Variants in RANBP17 observed in about 807,000 individuals in gnomAD.
RANBP17 encodes the protein RAN binding protein 17, also known as ran-binding protein 17.
RANBP17 carries 158 observed loss-of-function variants against 141.2 expected under a neutral mutation model. The observed-to-expected ratio is 1.12, with a 90% CI of 0.98 to 1.28. The LOEUF is 1.28. RANBP17 is among the 50% of genes most tolerant of loss of function. RANBP17 has a pLI of 0.00. For missense variants in RANBP17, 1,438 were observed against 1,290.7 expected (o/e 1.11, Z -1.75); for synonymous variants, 430 against 450.0 (o/e 0.96, Z 0.56).
chr5:170,889,706 G>T (rs989176711), intron 3 of RANBP17, among the ~76,000 whole-genome samples: 12 of 152,138 alleles, frequency 7.9e-5, no homozygotes, highest in Non-Finnish European at 1.5e-4. Flanking sequence ...AGGACCTCTA[G>T]TGTGTAGCTT....
intron 14 of RANBP17, among the ~76,000 whole-genome samples, chr5:171,083,704 T>A (rs1252663057): frequency 6.6e-6 from 1 of 152,180 alleles, no homozygotes; most frequent in East Asian, 1.9e-4. Flanking sequence ...TCCCACATGT[T>A]GTGGGAGGAA....
chr5:170,879,752 TAGC>T lies in RANBP17; in HGVS notation c.165+1512_165+1514del, dbSNP rs1768502573. Among the ~76,000 whole-genome samples, 3 of 152,088 alleles carry T rather than the reference TAGC, an allele frequency of 2.0e-5. No homozygotes were observed. The South Asian group carries it at 6.2e-4, about 32-fold the overall frequency. On this transcript the variant is annotated intron_variant, in intron 2 of 27. Coordinates refer to ENST00000523189, the MANE Select transcript of RANBP17 (RefSeq NM_022897.5). ...TAGCCTTATCCCTGAGCTAAAAAAA[TAGC>T]AGTAAAAACTTATCACTGATAAGCT...
intron 14 of RANBP17, among the ~76,000 whole-genome samples, chr5:170,998,944 C>T (rs1327494015): frequency 6.6e-6 from 1 of 151,936 alleles, no homozygotes; most frequent in East Asian, 1.9e-4. Context: ...TATTTATATA[C>T]TATAATACCA....
chr5:171,112,613 G>A (rs1270771113), intron 14 of RANBP17, among the ~76,000 whole-genome samples: 1 of 151,932 alleles, frequency 6.6e-6, no homozygotes. Context: ...TCTGGTAAAG[G>A]AACAGCAGAA....
chr5:171,081,861 C>T (rs1046946523), intron 14 of RANBP17, among the ~76,000 whole-genome samples: 1 of 152,038 alleles, frequency 6.6e-6, no homozygotes, highest in Non-Finnish European at 1.5e-5. Flanking sequence ...ATGAACAGTT[C>T]TTTTCCTACT....
chr5:171,006,296 C>T (rs991746952), intron 14 of RANBP17, among the ~76,000 whole-genome samples: 12 of 152,168 alleles, frequency 7.9e-5, no homozygotes, highest in Admixed American at 3.3e-4. Context: ...CACATGCACA[C>T]GTATGTTCAT....
intron 1 of RANBP17, among the ~76,000 whole-genome samples, chr5:170,869,219 A>G (rs1767508354): frequency 6.6e-6 from 1 of 152,204 alleles, no homozygotes; most frequent in African/African-American, 2.4e-5. Context: ...GTAAAACAAA[A>G]CAGACAAATA....
chr5:171,097,537 G>A (rs1358949991), intron 14 of RANBP17, among the ~76,000 whole-genome samples: 1 of 151,276 alleles, frequency 6.6e-6, no homozygotes, highest in Non-Finnish European at 1.5e-5. Flanking sequence ...TGAAATGGGT[G>A]TCTAAGAAAT....
At chr5:171,210,419 G>T (rs146578594) in intron 20 of RANBP17, among the ~76,000 whole-genome samples, 1 of 152,040 alleles carries the variant, frequency 6.6e-6, no homozygotes, top group African/African-American at 2.4e-5. Context: ...GCCTTATCCC[G>T]TAGTGAATAC....
chr5:171,185,473 T>G (rs993646521), intron 18 of RANBP17, among the ~76,000 whole-genome samples: 2 of 152,248 alleles, frequency 1.3e-5, no homozygotes, highest in Non-Finnish European at 2.9e-5. Flanking sequence ...TCTCAAACTC[T>G]GCTGCCACTT....
rs541460314 is a variant in RANBP17 at position 171,224,972 on chromosome 5, C to T, written c.2422+3132C>T. Reference sequence around the variant, plus strand: ...CTTCAGTTTCTTGTTAGAGAAAATACTTCATGCCTCAAAGACATGGTTGTG... The same window carrying T: ...CTTCAGTTTCTTGTTAGAGAAAATATTTCATGCCTCAAAGACATGGTTGTG... On this transcript the variant is annotated intron_variant, in intron 22 of 27. Transcript: ENST00000523189. Among the ~76,000 whole-genome samples, 10 of 152,286 alleles carry T rather than the reference C, an allele frequency of 6.6e-5. No homozygotes were observed. The South Asian group carries it at 2.1e-3, about 32-fold the overall frequency.
At chr5:170,914,461 G>C (rs1019756954) in intron 8 of RANBP17, among the ~76,000 whole-genome samples, 1 of 152,108 alleles carries the variant, frequency 6.6e-6, no homozygotes, top group African/African-American at 2.4e-5. Flanking sequence ...ACCAGTAACT[G>C]TTGATTTAGC....
At chr5:170,913,699 AGG>A in intron 7 of RANBP17, among the ~76,000 whole-genome samples, 1 of 152,242 alleles carries the variant, frequency 6.6e-6, no homozygotes, top group Middle Eastern at 3.4e-3. Flanking sequence ...ACACTGTAAT[AGG>A]AATGCAGTTG....
chr5:170,991,978 G>T (rs1778539769), intron 14 of RANBP17, among the ~76,000 whole-genome samples: 1 of 151,936 alleles, frequency 6.6e-6, no homozygotes, highest in Non-Finnish European at 1.5e-5. Flanking sequence ...GAAACAGTTG[G>T]TCTTTGGGGC....
chr5:171,137,009 T>C (rs983275456), intron 14 of RANBP17, among the ~76,000 whole-genome samples: 1 of 152,192 alleles, frequency 6.6e-6, no homozygotes, highest in African/African-American at 2.4e-5. Context: ...TGTTTACCTT[T>C]TATTCTGCTT....
chr5:171,028,977 G>GCTTA, intron 14 of RANBP17: 2 of 1,282,002 alleles, frequency 1.6e-6, no homozygotes, highest in Non-Finnish European at 2.0e-6. Flanking sequence ...AGGGATCACA[G>GCTTA]TCTAAGGTCC....
At chr5:171,029,324 T>C in intron 14 of RANBP17, 1 of 152,696 alleles carries the variant, frequency 6.5e-6, no homozygotes, top group African/African-American at 2.4e-5. Flanking sequence ...GCAATTTTAA[T>C]ACTTATCCTT....
At chr5:171,002,218 T>C (rs1295872677) in intron 14 of RANBP17, among the ~76,000 whole-genome samples, 2 of 152,032 alleles carry the variant, frequency 1.3e-5, no homozygotes, top group Non-Finnish European at 2.9e-5. Context: ...AAGGAGATAT[T>C]TTCCTTGGTC....
chr5:171,153,258 A>G (rs1424423986), intron 14 of RANBP17, among the ~76,000 whole-genome samples: 1 of 152,248 alleles, frequency 6.6e-6, no homozygotes, highest in Non-Finnish European at 1.5e-5. Flanking sequence ...CATCTTATTA[A>G]GAAACAGTGG....
Sources: allele counts gnomAD v4.1 joint callset (sites outside exome capture counted in the v4.1 genomes callset), GRCh38; gene constraint gnomAD v4.1.1; transcripts MANE v1.5; gene names NCBI Gene and HGNC (gene_info 2026-07-23, HGNC 2026-07-21).